The following KCND3 variants were observed in gnomAD, a reference collection of about 807,000 sequenced individuals.
The protein encoded by KCND3 is potassium voltage-gated channel subfamily D member 3.
KCND3 carries 9 observed loss-of-function variants against 51.1 expected under a neutral mutation model. The observed-to-expected ratio is 0.18, with a 90% CI of 0.11 to 0.31. KCND3 has a LOEUF of 0.31. Ranked by LOEUF, KCND3 falls within the 10% of genes least tolerant of loss-of-function variation. KCND3 has a pLI of 1.00. For synonymous variants in KCND3, 349 were observed against 368.0 expected (o/e 0.95, Z 0.59); for missense variants, 526 against 903.8 (o/e 0.58, Z 5.36).
chr1:111,987,962 C>T (rs906168454), intron 1 of KCND3, among the ~76,000 whole-genome samples: 3 of 152,296 alleles, frequency 2.0e-5, no homozygotes, highest in African/African-American at 4.8e-5. Context: ...AAGTCAGTTA[C>T]TCCATTAAAC....
intron 2 of KCND3, among the ~76,000 whole-genome samples, chr1:111,895,675 C>T (rs1320359845): frequency 2.0e-5 from 3 of 152,240 alleles, no homozygotes; most frequent in African/African-American, 4.8e-5. Flanking sequence ...GTAACCCCTT[C>T]TCCATATGCT....
intron 2 of KCND3, among the ~76,000 whole-genome samples, chr1:111,937,569 C>G (rs532616062): frequency 6.6e-6 from 1 of 152,172 alleles, no homozygotes; most frequent in Non-Finnish European, 1.5e-5. Context: ...GGGGCTCATG[C>G]CTTTCAGAAC....
At chr1:111,956,953 C>T (rs1673371805) in intron 2 of KCND3, among the ~76,000 whole-genome samples, 1 of 152,196 alleles carries the variant, frequency 6.6e-6, no homozygotes. Flanking sequence ...GTGCCTCTTT[C>T]TCTTCCTTAA....
chr1:111,798,592 A>G (rs1182257570), intron 2 of KCND3, among the ~76,000 whole-genome samples: 4 of 151,844 alleles, frequency 2.6e-5, no homozygotes, highest in South Asian at 4.2e-4. Flanking sequence ...AAGGAAAGCA[A>G]TCCCCCTGGT....
chr1:111,826,774 T>G (rs1254372400), intron 2 of KCND3, among the ~76,000 whole-genome samples: 1 of 152,228 alleles, frequency 6.6e-6, no homozygotes, highest in East Asian at 1.9e-4. Flanking sequence ...ATAATAGTCA[T>G]GATAATAACA....
intron 2 of KCND3, among the ~76,000 whole-genome samples, chr1:111,964,395 G>A (rs953584906): frequency 6.6e-6 from 1 of 152,130 alleles, no homozygotes; most frequent in Non-Finnish European, 1.5e-5. Context: ...GGAGTTACAG[G>A]CATGCAGACT....
chr1:111,926,208 T>C (rs1404017776), intron 2 of KCND3, among the ~76,000 whole-genome samples: 1 of 152,162 alleles, frequency 6.6e-6, no homozygotes, highest in East Asian at 1.9e-4. Flanking sequence ...GCATAAGATC[T>C]CCTTAAACTG....
At chr1:111,885,565 T>C (rs1334385630) in intron 2 of KCND3, among the ~76,000 whole-genome samples, 1 of 152,212 alleles carries the variant, frequency 6.6e-6, no homozygotes, top group Non-Finnish European at 1.5e-5. Context: ...GAAGGGTGCA[T>C]GAGAAACTAA....
intron 2 of KCND3, among the ~76,000 whole-genome samples, chr1:111,866,579 AACACACACACACACACAC>A (rs771342858): frequency 1.6e-3 from 199 of 126,816 alleles, no homozygotes; most frequent in African/African-American, 5.9e-3. Flanking sequence ...TGTTTCTTTA[AACACACACACACACACAC>A]ACACACACAC....
chr1:111,945,506 T>C (rs963648853), intron 2 of KCND3, among the ~76,000 whole-genome samples: 5 of 152,132 alleles, frequency 3.3e-5, no homozygotes, highest in Non-Finnish European at 5.9e-5. Context: ...GCAGGCACTG[T>C]CACTGCCCAT....
At chr1:111,942,136 T>C (rs1571880476) in intron 2 of KCND3, among the ~76,000 whole-genome samples, 1 of 152,224 alleles carries the variant, frequency 6.6e-6, no homozygotes, top group South Asian at 2.1e-4. Context: ...CACATGTTCA[T>C]TGGGCATGTA....
At chr1:111,824,630 C>T (rs189405548) in intron 2 of KCND3, among the ~76,000 whole-genome samples, 174 of 152,208 alleles carry the variant, frequency 1.1e-3, no homozygotes, top group Non-Finnish European at 1.8e-3. Flanking sequence ...GATCTTAAAG[C>T]TCGAAACTTA....
At chr1:111,983,469 C>G (rs1331376918) in intron 1 of KCND3, among the ~76,000 whole-genome samples, 1 of 152,114 alleles carries the variant, frequency 6.6e-6, no homozygotes, top group Non-Finnish European at 1.5e-5. Context: ...GCCCTAGCAA[C>G]CTAGTATCAA....
intron 2 of KCND3, among the ~76,000 whole-genome samples, chr1:111,859,989 G>C (rs1557983275): frequency 1.3e-5 from 2 of 152,206 alleles, no homozygotes; most frequent in Non-Finnish European, 2.9e-5. Context: ...TCTTCTGCAT[G>C]CTGCAGGAAA....
chr1:111,979,453 C>T (rs1674820276), intron 2 of KCND3, among the ~76,000 whole-genome samples: 1 of 152,162 alleles, frequency 6.6e-6, no homozygotes. Flanking sequence ...ACTCATTGGG[C>T]TGATGCTTTC....
At chr1:111,909,534 T>G (rs1388562798) in intron 2 of KCND3, 1 of 152,212 alleles carries the variant, frequency 6.6e-6, no homozygotes, top group Non-Finnish European at 1.5e-5. Context: ...TTCAAGGTGG[T>G]AATTGTTACG....
At chr1:111,784,589 A>G (rs1416165593) in intron 3 of KCND3, among the ~76,000 whole-genome samples, 2 of 152,186 alleles carry the variant, frequency 1.3e-5, no homozygotes, top group Admixed American at 6.5e-5. Flanking sequence ...GCTGAGAACT[A>G]TCATTAGTTT....
intron 2 of KCND3, among the ~76,000 whole-genome samples, chr1:111,979,242 A>G (rs1395991997): frequency 6.6e-6 from 1 of 152,194 alleles, no homozygotes; most frequent in East Asian, 1.9e-4. Flanking sequence ...GAAAGTAAAA[A>G]TGAGACCAAG....
chr1:111,922,989 G>T (rs1057265821), intron 2 of KCND3, among the ~76,000 whole-genome samples: 1 of 152,206 alleles, frequency 6.6e-6, no homozygotes, highest in Non-Finnish European at 1.5e-5. Flanking sequence ...GATCATCCCT[G>T]CAGGCTTTGA....
Sources: gnomAD v4.1 joint callset for allele counts (sites outside exome capture counted in the v4.1 genomes callset) on GRCh38, gnomAD v4.1.1 for gene constraint, MANE v1.5 for transcripts, NCBI Gene and HGNC (gene_info 2026-07-23, HGNC 2026-07-21) for gene names.